P2RY8: variants seen among roughly 807,000 people sequenced by gnomAD.
P2RY8 encodes P2Y receptor family member 8.
In P2RY8, 6 loss-of-function variants were observed where a neutral mutation model predicts 10.0. That is an observed-to-expected ratio of 0.60 (90% CI 0.33 to 1.19). The LOEUF is 1.19. Among genes scored for constraint, P2RY8 ranks in the 50% most tolerant of loss-of-function variants. P2RY8 has a pLI of 0.04. For synonymous variants in P2RY8, 276 were observed against 252.5 expected (o/e 1.09, Z -0.88); for missense variants, 456 against 542.0 (o/e 0.84, Z 1.58).
chrX:1,478,826 G>A (rs536523501), intron 1 of P2RY8, among the ~76,000 whole-genome samples: 3 of 152,180 alleles, frequency 2.0e-5, no homozygotes, highest in East Asian at 1.9e-4. Context: ...GGAAAACAGA[G>A]AAGCTAGGTG....
chrX:1,528,644 C>T (rs2092454193), intron 1 of P2RY8, among the ~76,000 whole-genome samples: 1 of 152,052 alleles, frequency 6.6e-6, no homozygotes, highest in Admixed American at 6.5e-5. Flanking sequence ...GGATTTGAGT[C>T]TCTTTGAATG....
rs768981338 is a variant in P2RY8, at chrX:1,508,648, CATCT to C, written c.-25+28269_-25+28272del. Among the ~76,000 whole-genome samples the C allele has an allele frequency of 2.3e-3, 343 of 149,972 alleles. 7 individuals carry two copies. The highest frequency in any genetic ancestry group is 0.021 in the Admixed American group (318 of 15,042). On this transcript the variant is annotated intron_variant, in intron 1 of 1. Transcript: ENST00000381297. Reference sequence around the variant, plus strand: ...CTATGTATCTATCCATCTATTCATCCATCTATCTATCCTGTATGTATTTATCTAT... The same window carrying C: ...CTATGTATCTATCCATCTATTCATCCATCTATCCTGTATGTATTTATCTAT...
At position 1,507,540 on chromosome X, in the gene P2RY8, C is replaced by G. The variant is rs768125655; in HGVS notation, c.-25+29381G>C. Among the ~76,000 whole-genome samples, 4 of 152,280 alleles carry G rather than the reference C, an allele frequency of 2.6e-5. No homozygotes were observed. The South Asian group carries it at 8.3e-4, about 32-fold the overall frequency. On this transcript the variant is annotated intron_variant, in intron 1 of 1. Transcript: ENST00000381297. ...ACGGTGGTTCGGAGCTGGGGTAGCTCATGAGTCCCTGCAGTACTGGCGACA... is the reference window on the plus strand; with the variant it reads ...ACGGTGGTTCGGAGCTGGGGTAGCTGATGAGTCCCTGCAGTACTGGCGACA...
intron 1 of P2RY8, among the ~76,000 whole-genome samples, chrX:1,530,030 G>T (rs1393933291): frequency 2.6e-5 from 4 of 151,896 alleles, no homozygotes; most frequent in Non-Finnish European, 5.9e-5. Context: ...TAGTGTTGAC[G>T]TGGAAAGATC....
chrX:1,530,765 C>G (rs866276240), intron 1 of P2RY8, among the ~76,000 whole-genome samples: 5 of 150,706 alleles, frequency 3.3e-5, no homozygotes. Context: ...ATGTATATAT[C>G]TATCTAATTT....
At chrX:1,533,331 CA>C (rs2092494199) in intron 1 of P2RY8, among the ~76,000 whole-genome samples, 1 of 146,358 alleles carries the variant, frequency 6.8e-6, no homozygotes, top group Non-Finnish European at 1.5e-5. Flanking sequence ...AAGAGATTGC[CA>C]AAAATAATAT....
intron 1 of P2RY8, among the ~76,000 whole-genome samples, chrX:1,506,029 G>A (rs1305783947): frequency 2.4e-5 from 3 of 123,360 alleles, no homozygotes; most frequent in Non-Finnish European, 3.2e-5. Context: ...GTCACACTCC[G>A]TCACCCAGGC....
At chrX:1,530,227 T>C (rs1475832986) in intron 1 of P2RY8, among the ~76,000 whole-genome samples, 1 of 149,028 alleles carries the variant, frequency 6.7e-6, no homozygotes, top group East Asian at 1.9e-4. Flanking sequence ...TATCCATGTA[T>C]CTATGTATGT....
intron 1 of P2RY8, among the ~76,000 whole-genome samples, chrX:1,530,157 G>GTATGATCTATCT (rs1448165994): frequency 4.7e-5 from 2 of 42,460 alleles, no homozygotes; most frequent in African/African-American, 1.0e-4. Flanking sequence ...ATGTATGTAT[G>GTATGATCTATCT]ATCTATCTAT....
intron 1 of P2RY8, among the ~76,000 whole-genome samples, chrX:1,529,361 G>C (rs1268438067): frequency 6.6e-6 from 1 of 152,106 alleles, no homozygotes; most frequent in Non-Finnish European, 1.5e-5. Context: ...ACATGATCTT[G>C]CTTCTCCTTC....
chrX:1,467,403 G>A (rs1316435846), intron 1 of P2RY8, among the ~76,000 whole-genome samples: 34 of 152,240 alleles, frequency 2.2e-4, no homozygotes, highest in Non-Finnish European at 3.7e-4. Context: ...CTGACCCGCC[G>A]GTCCGTGCCC....
intron 1 of P2RY8, among the ~76,000 whole-genome samples, chrX:1,518,123 A>T (rs768689749): frequency 0.013 from 1,839 of 144,594 alleles, 45 homozygotes; most frequent in African/African-American, 0.044. Context: ...AAAAAATAAA[A>T]AAATAAATAA....
intron 1 of P2RY8, among the ~76,000 whole-genome samples, chrX:1,524,845 CCA>C (rs2092428855): frequency 1.1e-4 from 12 of 109,118 alleles, no homozygotes; most frequent in Middle Eastern, 6.2e-3. Context: ...ATCCATCCAT[CCA>C]TCCACTCATC....
In P2RY8 at chrX:1,501,539, T is replaced by C. The variant is rs192693227; in HGVS notation, c.-24-34957A>G. On this transcript the variant is annotated intron_variant, in intron 1 of 1. Transcript: ENST00000381297. Reference sequence around the variant, plus strand: ...ACCATGGCTGGCTAATTATTTATTTTTGTAGACATAGGGGTCTCACTATAT... The same window carrying C: ...ACCATGGCTGGCTAATTATTTATTTCTGTAGACATAGGGGTCTCACTATAT... Among the ~76,000 whole-genome samples the C allele has an allele frequency of 8.1e-4, 124 of 152,216 alleles. 2 individuals carry two copies. The highest frequency in any genetic ancestry group is 2.9e-3 in the African/African-American group (121 of 41,538).
intron 1 of P2RY8, among the ~76,000 whole-genome samples, chrX:1,500,447 T>G (rs1485678130): frequency 6.6e-6 from 1 of 151,712 alleles, no homozygotes; most frequent in African/African-American, 2.4e-5. Context: ...CCAGCTAATT[T>G]TTTTTTTTGT....
intron 1 of P2RY8, among the ~76,000 whole-genome samples, chrX:1,522,602 G>A (rs1488180008): frequency 6.6e-6 from 1 of 152,050 alleles, no homozygotes; most frequent in African/African-American, 2.4e-5. Flanking sequence ...GATGAGCCTA[G>A]GCAACATAGC....
At chrX:1,536,502 T>C (rs2092528385) in intron 1 of P2RY8, among the ~76,000 whole-genome samples, 1 of 150,736 alleles carries the variant, frequency 6.6e-6, no homozygotes, top group Admixed American at 6.6e-5. Flanking sequence ...CCTCAGATGA[T>C]CCACCCACCT....
chrX:1,465,757 C>G lies in P2RY8; in HGVS notation c.802G>C (p.Gly268Arg). ...TTGTACACGTGGTAGTAGCTCTTGC[C>G]GTAGAACAGGCGGCTCACGATGTGC... Reference protein sequence around the residue: ...LAHIVSRLFYGKSYYHVYKLT... With the variant: ...LAHIVSRLFYRKSYYHVYKLT... Residue 268 changes from glycine to arginine, a missense_variant, in exon 2 of 2, where the codon GGC becomes CGC. Gly to Arg is a moderately radical substitution (Grantham distance 125, BLOSUM62 -2). Coordinates refer to ENST00000381297, the MANE Select transcript of P2RY8 (RefSeq NM_178129.5). The G allele has an allele frequency of 1.2e-6, 2 of 1,613,626 alleles. No homozygotes were observed. The highest frequency in any genetic ancestry group is 1.7e-6 in the Non-Finnish European group (2 of 1,179,834).
In P2RY8 at chrX:1,464,772, T is replaced by C. The variant is rs2091638595; in HGVS notation, c.*707A>G. ...ACAAATGTGCCAAAAATCACCTTGG[T>C]CAGCAACAGGGTGGGGTGTGTGTGT... On this transcript the variant is annotated 3_prime_UTR_variant, in exon 2 of 2. Coordinates refer to ENST00000381297, the MANE Select transcript of P2RY8 (RefSeq NM_178129.5). The C allele has an allele frequency of 4.3e-6, 1 of 230,766 alleles. No homozygotes were observed. Among genetic ancestry groups the C allele is most frequent in the Non-Finnish European group, 8.6e-6 (1 of 116,912 alleles). 14.3% of individuals were successfully genotyped at this position (230,766 alleles called of 1,614,324 possible). A position where few individuals can be genotyped will look rare whatever the true frequency, so the allele number is the denominator to read the frequency against.
Sources: gnomAD v4.1 joint callset for allele counts (sites outside exome capture counted in the v4.1 genomes callset) on GRCh38, gnomAD v4.1.1 for gene constraint, MANE v1.5 for transcripts, NCBI Gene and HGNC (gene_info 2026-07-23, HGNC 2026-07-21) for gene names.